CYP2C19: variants seen among roughly 807,000 people sequenced by gnomAD.
The protein encoded by CYP2C19 is cytochrome P450 family 2 subfamily C member 19, also known as cytochrome P450 2C19.
In CYP2C19, 59 loss-of-function variants were observed where a neutral mutation model predicts 40.9. That is an observed-to-expected ratio of 1.44 (90% CI 1.17 to 1.79). The LOEUF (loss-of-function observed/expected upper bound fraction) is 1.79. Ranked by LOEUF, CYP2C19 falls within the 40% of genes most tolerant of loss-of-function variation. The pLI is 0.00. For missense variants in CYP2C19, 754 were observed against 596.9 expected (o/e 1.26, Z -2.74); for synonymous variants, 253 against 208.7 (o/e 1.21, Z -1.83).
chr10:94,832,303 C>T (rs1652232734), intron 6 of CYP2C19, among the ~76,000 whole-genome samples: 1 of 152,164 alleles, frequency 6.6e-6, no homozygotes, highest in African/African-American at 2.4e-5. Flanking sequence ...GCCTCAAAAT[C>T]ATGGTGGAAG....
At chr10:94,836,341 C>T (rs546829593) in intron 6 of CYP2C19, among the ~76,000 whole-genome samples, 10 of 152,338 alleles carry the variant, frequency 6.6e-5, no homozygotes, top group South Asian at 2.1e-4. Context: ...AGGTATGCCA[C>T]GGGTTGCAAG....
At chr10:94,793,826 C>T (rs1378944891) in intron 5 of CYP2C19, among the ~76,000 whole-genome samples, 1 of 152,152 alleles carries the variant, frequency 6.6e-6, no homozygotes, top group East Asian at 1.9e-4. Flanking sequence ...CTTGAGGAGG[C>T]AGTCTGTCCA....
chr10:94,848,150 C>T (rs1046852790), intron 7 of CYP2C19, among the ~76,000 whole-genome samples: 38 of 152,246 alleles, frequency 2.5e-4, no homozygotes, highest in Non-Finnish European at 4.6e-4. Flanking sequence ...GAAGTCCTTG[C>T]CCATGCCTAT....
intron 7 of CYP2C19, among the ~76,000 whole-genome samples, chr10:94,846,411 G>A (rs1564684873): frequency 6.6e-6 from 1 of 152,134 alleles, no homozygotes; most frequent in Non-Finnish European, 1.5e-5. Flanking sequence ...TGCTATTACT[G>A]GTTATGCTAA....
chr10:94,791,856 G>A (rs1035136467), intron 5 of CYP2C19, among the ~76,000 whole-genome samples: 1 of 152,146 alleles, frequency 6.6e-6, no homozygotes, highest in Non-Finnish European at 1.5e-5. Context: ...ATTTGGGGTG[G>A]AGAGTTCTGT....
intron 6 of CYP2C19, among the ~76,000 whole-genome samples, chr10:94,826,366 T>C (rs1296138797): frequency 6.6e-6 from 1 of 152,154 alleles, no homozygotes; most frequent in East Asian, 1.9e-4. Context: ...CTTGAAGAGG[T>C]CCTTCACATC....
intron 4 of CYP2C19, among the ~76,000 whole-genome samples, chr10:94,781,135 C>G (rs956899161): frequency 2.6e-5 from 4 of 152,134 alleles, no homozygotes; most frequent in African/African-American, 7.2e-5. Flanking sequence ...CTGAATAGGG[C>G]AGAGGTGTTT....
intron 7 of CYP2C19, among the ~76,000 whole-genome samples, chr10:94,847,327 G>C (rs565499345): frequency 6.6e-6 from 1 of 152,186 alleles, no homozygotes; most frequent in East Asian, 1.9e-4. Flanking sequence ...AATATGCGGT[G>C]TTTGGTTTTT....
chr10:94,818,733 T>C (rs1477174793), intron 5 of CYP2C19, among the ~76,000 whole-genome samples: 2 of 148,454 alleles, frequency 1.3e-5, no homozygotes, highest in Non-Finnish European at 3.0e-5. Context: ...TTTTTGTACA[T>C]TGATTTTGTA....
At chr10:94,824,807 T>G (rs1322961553) in intron 6 of CYP2C19, among the ~76,000 whole-genome samples, 1 of 75,098 alleles carries the variant, frequency 1.3e-5, no homozygotes, top group South Asian at 5.7e-4. Flanking sequence ...CCCTCCCCCC[T>G]CCCCCCACCC....
intron 5 of CYP2C19, among the ~76,000 whole-genome samples, chr10:94,783,510 T>C (rs923837735): frequency 3.9e-5 from 6 of 152,160 alleles, no homozygotes; most frequent in African/African-American, 9.6e-5. Flanking sequence ...AAACATCACC[T>C]CTTTTGTCAT....
chr10:94,826,035 G>A (rs1412866256), intron 6 of CYP2C19, among the ~76,000 whole-genome samples: 4 of 150,354 alleles, frequency 2.7e-5, no homozygotes, highest in Admixed American at 6.6e-5. Context: ...TTTGGTACCA[G>A]TACCATGCTG....
intron 5 of CYP2C19, among the ~76,000 whole-genome samples, chr10:94,784,128 T>C (rs1589350575): frequency 1.3e-5 from 2 of 152,222 alleles, no homozygotes; most frequent in African/African-American, 4.8e-5. Flanking sequence ...TTGCGTGTTA[T>C]GGATATATAA....
chr10:94,829,723 G>A (rs1489642447), intron 6 of CYP2C19, among the ~76,000 whole-genome samples: 1 of 151,910 alleles, frequency 6.6e-6, no homozygotes, highest in African/African-American at 2.4e-5. Flanking sequence ...TGGAGGAGGA[G>A]AGGCGCTCTG....
chr10:94,811,492 C>T lies in CYP2C19; in HGVS notation c.820-9004C>T, dbSNP rs1172967574. 3.3e-5 allele frequency among the ~76,000 whole-genome samples: 5 copies of T among 151,952 alleles called. No homozygotes were observed. In the East Asian group the frequency reaches 9.6e-4, roughly 29 times the overall value. On this transcript the variant is annotated intron_variant, in intron 5 of 8. Transcript: ENST00000371321. ...TATTGACAGTGGGGTGTTAAAGCCT[C>T]CATCTATTATTGTGTGGGAGCCTAA...
chr10:94,832,062 T>C (rs1032988373), intron 6 of CYP2C19, among the ~76,000 whole-genome samples: 1 of 152,180 alleles, frequency 6.6e-6, no homozygotes, highest in African/African-American at 2.4e-5. Context: ...TTTTAATCCA[T>C]TTTGAGTTGA....
chr10:94,775,755 T>A, intron 3 of CYP2C19: 1 of 688,658 alleles, frequency 1.5e-6, no homozygotes, highest in Non-Finnish European at 2.4e-6. Flanking sequence ...GGTATAAAAG[T>A]TCATTTAATC....
At chr10:94,824,486 A>T (rs562991766) in intron 6 of CYP2C19, among the ~76,000 whole-genome samples, 1 of 152,154 alleles carries the variant, frequency 6.6e-6, no homozygotes, top group African/African-American at 2.4e-5. Context: ...CAAATTGCAG[A>T]CTCTCACACA....
intron 5 of CYP2C19, among the ~76,000 whole-genome samples, chr10:94,809,900 G>A (rs181511889): frequency 6.6e-6 from 1 of 152,018 alleles, no homozygotes; most frequent in East Asian, 1.9e-4. Flanking sequence ...TATTTATTTT[G>A]AGACAGAGTC....
Sources: allele counts gnomAD v4.1 joint callset (sites outside exome capture counted in the v4.1 genomes callset), GRCh38; gene constraint gnomAD v4.1.1; transcripts MANE v1.5; gene names NCBI Gene and HGNC (gene_info 2026-07-23, HGNC 2026-07-21).